The following YAP1 variants were observed in gnomAD, a reference collection of about 807,000 sequenced individuals.
YAP1 encodes the protein transcriptional coactivator YAP1.
A neutral mutation model predicts 56.9 loss-of-function variants in YAP1; 5 were observed. The observed-to-expected ratio is 0.09, with a 90% CI of 0.05 to 0.18. The LOEUF (loss-of-function observed/expected upper bound fraction) is 0.18. Among genes scored for constraint, YAP1 ranks in the 10% least tolerant of loss-of-function variants. The pLI, the probability that YAP1 is intolerant of heterozygous loss-of-function variation, is 1.00. For synonymous variants in YAP1, 265 were observed against 248.1 expected (o/e 1.07, Z -0.64); for missense variants, 539 against 651.8 (o/e 0.83, Z 1.88).
rs1950429887 is a variant in YAP1 at position 102,231,355 on chromosome 11, C to T, written c.*1415C>T. 1 of 152,110 alleles carries T rather than the reference C, an allele frequency of 6.6e-6. No individual in the cohort carries two copies. The highest frequency in any genetic ancestry group is 2.4e-5 in the African/African-American group (1 of 41,420). The allele number at this position is 152,110 out of a possible 1,614,324, so 9.4% of individuals were successfully genotyped here. A position where few individuals can be genotyped will look rare whatever the true frequency, so the allele number is the denominator to read the frequency against. On this transcript the variant is annotated 3_prime_UTR_variant, in exon 9 of 9. Coordinates refer to ENST00000282441, the MANE Select transcript of YAP1 (RefSeq NM_001130145.3). ...TTCTCATTTGTAATGAACACATTAACGACTAGATTAAAATATTGCCTTCAA... is the reference window on the plus strand; with the variant it reads ...TTCTCATTTGTAATGAACACATTAATGACTAGATTAAAATATTGCCTTCAA...
At chr11:102,207,268 A>G (rs1267694575) in intron 5 of YAP1, among the ~76,000 whole-genome samples, 5 of 152,132 alleles carry the variant, frequency 3.3e-5, no homozygotes, top group Non-Finnish European at 5.9e-5. Flanking sequence ...CTAAATAACT[A>G]TGAGTTTCTT....
chr11:102,172,387 T>C (rs186395956), intron 3 of YAP1, among the ~76,000 whole-genome samples: 1 of 143,634 alleles, frequency 7.0e-6, no homozygotes, highest in Non-Finnish European at 1.5e-5. Flanking sequence ...TCACAGCTCA[T>C]TGCAGCTTCA....
At chr11:102,199,285 A>G (rs1565259797) in intron 4 of YAP1, among the ~76,000 whole-genome samples, 2 of 152,206 alleles carry the variant, frequency 1.3e-5, no homozygotes. Context: ...CTCTAATCCA[A>G]GTTCATTTGA....
rs145109995 is a variant in YAP1, at chr11:102,174,761, G to A, written c.689-11257G>A. Among the ~76,000 whole-genome samples, 43 of 152,204 alleles carry A rather than the reference G, an allele frequency of 2.8e-4. No individual in the cohort carries two copies. The East Asian group carries it at 3.7e-3, about 13-fold the overall frequency. On this transcript the variant is annotated intron_variant, in intron 3 of 8. Transcript: ENST00000282441. ...GGGATACAAAGACAAAAAAGTCAGC[G>A]TCTCTACTTCTTGAGTCTGTTGAGA...
intron 4 of YAP1, among the ~76,000 whole-genome samples, chr11:102,196,654 A>G (rs1390940997): frequency 2.0e-5 from 3 of 149,844 alleles, no homozygotes; most frequent in African/African-American, 7.3e-5. Context: ...GAAGTGATGA[A>G]AATGTTCTGA....
rs753656787 is a variant in YAP1 at position 102,206,040 on chromosome 11, G to A, written c.950G>A (p.Arg317Lys). The change falls in exon 5 of 9, where the codon AGG becomes AAG. Residue 317 changes from arginine (R) to lysine (K), a missense_variant. Transcript: ENST00000282441. ...CAGCAACTGCAGATGGAGAAGGAGA[G>A]GCTGCGGCTGAAACAGCAAGAACTG... ...RLQQLQMEKE[R>K]LRLKQQELLR... 1 of 1,613,992 alleles carries A rather than the reference G, an allele frequency of 6.2e-7. No individual in the cohort carries two copies. The highest frequency in any genetic ancestry group is 1.1e-5 in the South Asian group (1 of 91,038).
chr11:102,206,464 G>A (rs942914521), intron 5 of YAP1, among the ~76,000 whole-genome samples: 5 of 152,304 alleles, frequency 3.3e-5, no homozygotes, highest in East Asian at 1.9e-4. Context: ...AATAACTTAC[G>A]TGGCGGGATA....
chr11:102,188,504 C>T (rs1438510478), intron 4 of YAP1, among the ~76,000 whole-genome samples: 1 of 152,180 alleles, frequency 6.6e-6, no homozygotes, highest in Non-Finnish European at 1.5e-5. Flanking sequence ...TGCATAATAA[C>T]GTTTCAGTCA....
chr11:102,196,580 A>G (rs1948582825), intron 4 of YAP1, among the ~76,000 whole-genome samples: 1 of 151,514 alleles, frequency 6.6e-6, no homozygotes. Context: ...TAGGTAGTGA[A>G]CTGCTAATGG....
chr11:102,191,347 G>C (rs1202501290), intron 4 of YAP1, among the ~76,000 whole-genome samples: 1 of 151,494 alleles, frequency 6.6e-6, no homozygotes, highest in Non-Finnish European at 1.5e-5. Context: ...CGATTCCTCG[G>C]ACCACCAACA....
chr11:102,202,305 C>G (rs188079872), intron 4 of YAP1, among the ~76,000 whole-genome samples: 20 of 150,346 alleles, frequency 1.3e-4, no homozygotes, highest in East Asian at 5.9e-4. Flanking sequence ...CTGGTAGGTA[C>G]TACAGTCACC....
intron 5 of YAP1, among the ~76,000 whole-genome samples, chr11:102,208,886 G>T (rs1213659846): frequency 1.3e-5 from 2 of 152,250 alleles, no homozygotes; most frequent in South Asian, 4.1e-4. Flanking sequence ...TCATCCTGGG[G>T]TTTTTTGGTG....
intron 7 of YAP1, among the ~76,000 whole-genome samples, chr11:102,224,372 G>A (rs1403101975): frequency 1.3e-5 from 2 of 152,196 alleles, no homozygotes; most frequent in Admixed American, 1.3e-4. Flanking sequence ...AAGTCTGTAA[G>A]CTGAAACAGG....
At chr11:102,204,942 TTAG>T (rs1469691803) in intron 4 of YAP1, among the ~76,000 whole-genome samples, 5 of 152,136 alleles carry the variant, frequency 3.3e-5, no homozygotes, top group Non-Finnish European at 5.9e-5. Context: ...TACTAAACAT[TTAG>T]TAGAAACAGT....
intron 2 of YAP1, among the ~76,000 whole-genome samples, chr11:102,141,931 A>G (rs1340538743): frequency 6.6e-6 from 1 of 152,226 alleles, no homozygotes; most frequent in East Asian, 1.9e-4. Context: ...GGGGATTGGA[A>G]TATGTGATTC....
At chr11:102,128,068 A>T (rs1025619974) in intron 2 of YAP1, among the ~76,000 whole-genome samples, 4 of 152,028 alleles carry the variant, frequency 2.6e-5, no homozygotes, top group Non-Finnish European at 5.9e-5. Context: ...GGTGGAAGGG[A>T]TTTGCCTTGT....
intron 4 of YAP1, among the ~76,000 whole-genome samples, chr11:102,197,420 A>C (rs1232673128): frequency 2.0e-5 from 3 of 152,224 alleles, no homozygotes; most frequent in African/African-American, 7.2e-5. Context: ...TTATAATCCA[A>C]GTTTTGAGGT....
intron 2 of YAP1, among the ~76,000 whole-genome samples, chr11:102,142,363 A>C (rs887670766): frequency 2.0e-5 from 3 of 152,236 alleles, no homozygotes; most frequent in Non-Finnish European, 4.4e-5. Flanking sequence ...CCTGTTTGAG[A>C]AAATGCTAAC....
chr11:102,209,109 A>AT (rs1264731199), intron 5 of YAP1, among the ~76,000 whole-genome samples: 2 of 152,100 alleles, frequency 1.3e-5, no homozygotes, highest in African/African-American at 2.4e-5. Flanking sequence ...CTATTTTTAG[A>AT]TTTTTTTAAA....
Sources: allele counts gnomAD v4.1 joint callset (sites outside exome capture counted in the v4.1 genomes callset), GRCh38; gene constraint gnomAD v4.1.1; transcripts MANE v1.5; gene names NCBI Gene and HGNC (gene_info 2026-07-23, HGNC 2026-07-21).